Variants in METTL15 observed in about 807,000 individuals in gnomAD.
The protein encoded by METTL15 is methyltransferase 15, mitochondrial 12S rRNA N4-cytidine.
A neutral mutation model predicts 38.3 loss-of-function variants in METTL15; 34 were observed. That is an observed-to-expected ratio of 0.89 (90% CI 0.68 to 1.18). The LOEUF is 1.18. Among genes scored for constraint, METTL15 ranks in the 50% most tolerant of loss-of-function variants. The pLI is 0.00. For synonymous variants in METTL15, 162 were observed against 170.9 expected (o/e 0.95, Z 0.41); for missense variants, 438 against 498.4 (o/e 0.88, Z 1.15).
At chr11:28,354,697 T>A (rs1488967384) in intron 4 of METTL15, among the ~76,000 whole-genome samples, 1 of 152,204 alleles carries the variant, frequency 6.6e-6, no homozygotes, top group African/African-American at 2.4e-5. Context: ...ATATTTCTAC[T>A]CACATAGTGA....
chr11:28,233,162 G>C (rs1853762483), intron 4 of METTL15, among the ~76,000 whole-genome samples: 1 of 151,896 alleles, frequency 6.6e-6, no homozygotes, highest in East Asian at 1.9e-4. Context: ...TAAATGCAGT[G>C]ACTATAAATG....
intron 6 of METTL15, among the ~76,000 whole-genome samples, chr11:28,442,061 C>A (rs559239281): frequency 2.8e-4 from 43 of 152,248 alleles, no homozygotes; most frequent in African/African-American, 9.4e-4. Flanking sequence ...TTAAAATTTT[C>A]TTTTCAACTA....
At chr11:28,137,559 A>G (rs1035057932) in intron 3 of METTL15, among the ~76,000 whole-genome samples, 14 of 152,318 alleles carry the variant, frequency 9.2e-5, no homozygotes, top group African/African-American at 3.4e-4. Context: ...GGTTAATTCC[A>G]TATGTCCTCA....
intron 3 of METTL15, among the ~76,000 whole-genome samples, chr11:28,342,053 G>A (rs1000774848): frequency 2.8e-4 from 43 of 152,236 alleles, no homozygotes; most frequent in African/African-American, 9.9e-4. Flanking sequence ...TCTGAAAGGT[G>A]TAAAACTTAA....
intron 6 of METTL15, among the ~76,000 whole-genome samples, chr11:28,506,736 C>CT (rs71449180): frequency 0.011 from 1,267 of 111,576 alleles, 80 homozygotes; most frequent in Non-Finnish European, 0.015. Flanking sequence ...ATCTCAGTCT[C>CT]TTTTTTTTTT....
chr11:28,215,208 C>T (rs1479380998), intron 4 of METTL15, among the ~76,000 whole-genome samples: 2 of 152,104 alleles, frequency 1.3e-5, no homozygotes, highest in Non-Finnish European at 2.9e-5. Flanking sequence ...GGTAGGACCC[C>T]TGTGAATGAG....
intron 4 of METTL15, among the ~76,000 whole-genome samples, chr11:28,356,314 C>T (rs527741563): frequency 2.0e-5 from 3 of 152,280 alleles, no homozygotes; most frequent in Non-Finnish European, 4.4e-5. Context: ...CTTTGTTGAT[C>T]TTGTTTACCT....
chr11:28,345,797 C>T (rs1849991115), intron 3 of METTL15, among the ~76,000 whole-genome samples: 9 of 152,128 alleles, frequency 5.9e-5, no homozygotes, highest in Admixed American at 5.9e-4. Flanking sequence ...AAAATTGCTT[C>T]AGGCTGACCA....
chr11:28,501,716 A>G (rs1249540606), intron 6 of METTL15, among the ~76,000 whole-genome samples: 2 of 152,152 alleles, frequency 1.3e-5, no homozygotes, highest in South Asian at 2.1e-4. Flanking sequence ...GACCAGTCTC[A>G]TGTCAGTGGT....
At chr11:28,182,787 G>A (rs1028826282) in intron 3 of METTL15, among the ~76,000 whole-genome samples, 1 of 152,012 alleles carries the variant, frequency 6.6e-6, no homozygotes, top group Non-Finnish European at 1.5e-5. Context: ...TTCCAATTCC[G>A]TGAAGAAAGT....
chr11:28,348,793 T>C (rs1223560904), intron 3 of METTL15, among the ~76,000 whole-genome samples: 2 of 152,308 alleles, frequency 1.3e-5, no homozygotes, highest in South Asian at 2.1e-4. Flanking sequence ...TTTAGCATTA[T>C]TTAATGTTTC....
intron 4 of METTL15, among the ~76,000 whole-genome samples, chr11:28,232,953 A>G (rs1853750998): frequency 6.6e-6 from 1 of 152,078 alleles, no homozygotes; most frequent in Admixed American, 6.6e-5. Context: ...CATCATGAAG[A>G]AAGATAGAAT....
intron 3 of METTL15, among the ~76,000 whole-genome samples, chr11:28,191,973 T>C (rs1851716073): frequency 2.0e-5 from 3 of 151,774 alleles, no homozygotes; most frequent in Non-Finnish European, 4.4e-5. Context: ...ATACTCAGTG[T>C]TTATATATTT....
chr11:28,188,952 C>T (rs1343741383), intron 3 of METTL15, among the ~76,000 whole-genome samples: 1 of 151,124 alleles, frequency 6.6e-6, no homozygotes, highest in Non-Finnish European at 1.5e-5. Context: ...TCTATTCATC[C>T]TAGGTAACTT....
chr11:28,161,031 T>C (rs1850438061), intron 3 of METTL15, among the ~76,000 whole-genome samples: 1 of 150,424 alleles, frequency 6.6e-6, no homozygotes, highest in South Asian at 2.1e-4. Context: ...AAAAGCAAAG[T>C]AAATCACATT....
intron 3 of METTL15, among the ~76,000 whole-genome samples, chr11:28,175,174 A>G (rs1462377485): frequency 7.1e-6 from 1 of 141,098 alleles, no homozygotes; most frequent in Non-Finnish European, 1.5e-5. Flanking sequence ...TTCAGTTCCC[A>G]CTTATGAGTG....
chr11:28,516,671 G>A (rs549383220), intron 6 of METTL15, among the ~76,000 whole-genome samples: 9 of 152,214 alleles, frequency 5.9e-5, no homozygotes, highest in South Asian at 2.1e-4. Flanking sequence ...TCATAAATAT[G>A]GTAATTCTCC....
At chr11:28,295,297 A>G (rs1229102074) in intron 5 of METTL15, among the ~76,000 whole-genome samples, 2 of 152,112 alleles carry the variant, frequency 1.3e-5, no homozygotes, top group African/African-American at 4.8e-5. Context: ...AATAGGTTAA[A>G]AGTCTTACTC....
In METTL15 at chr11:28,109,392, A is replaced by T. The variant is rs548236428; in HGVS notation, c.-253-774A>T. Among the ~76,000 whole-genome samples the T allele has an allele frequency of 3.3e-5, 5 of 152,294 alleles. No homozygotes were observed. In the South Asian group the frequency reaches 1.0e-3, roughly 32 times the overall value. On this transcript the variant is annotated intron_variant, in intron 1 of 6. Transcript: ENST00000407364. ...GTAAGAACTCATTGTATAGTACTTT[A>T]CGTTTTGACTTCCCAGGTATTTTAT...
Sources: gnomAD v4.1 joint callset for allele counts (sites outside exome capture counted in the v4.1 genomes callset) on GRCh38, gnomAD v4.1.1 for gene constraint, MANE v1.5 for transcripts, NCBI Gene and HGNC (gene_info 2026-07-23, HGNC 2026-07-21) for gene names.